PAFAH1B2: variants seen among roughly 807,000 people sequenced by gnomAD.
PAFAH1B2 encodes the protein platelet-activating factor acetylhydrolase IB subunit alpha2.
Under a neutral mutation model 28.0 loss-of-function variants are expected in PAFAH1B2, and 8 were observed. The observed-to-expected ratio is 0.29, with a 90% CI of 0.17 to 0.52. The LOEUF is 0.52. Ranked by LOEUF, PAFAH1B2 falls within the 20% of genes least tolerant of loss-of-function variation. The pLI is 0.97. For missense variants in PAFAH1B2, 190 were observed against 282.6 expected, an observed-to-expected ratio of 0.67 and a Z score of 2.35; for synonymous variants, 104 against 103.2, an observed-to-expected ratio of 1.01 and a Z score of -0.05.
At chr11:117,155,436 T>C (rs1228157017) in intron 2 of PAFAH1B2, among the ~76,000 whole-genome samples, 1 of 152,184 alleles carries the variant, frequency 6.6e-6, no homozygotes, top group Non-Finnish European at 1.5e-5. Flanking sequence ...AAGGAACTAA[T>C]ATATAAGTAT....
intron 2 of PAFAH1B2, among the ~76,000 whole-genome samples, chr11:117,156,758 G>C (rs774068085): frequency 2.0e-5 from 3 of 152,130 alleles, no homozygotes; most frequent in Non-Finnish European, 4.4e-5. Context: ...CGGTGGCTCA[G>C]GCCTGTGATC....
chr11:117,144,527 G>C (rs1300129923), intron 1 of PAFAH1B2, 109 bp downstream of exon 1: 2 of 168,376 alleles, frequency 1.2e-5, no homozygotes, highest in Non-Finnish European at 2.6e-5. Context: ...CCACCCTTGC[G>C]GCCCCTCCCC....
At position 117,161,135 on chromosome 11, in the gene PAFAH1B2, C is replaced by CT. The variant is rs760358599; in HGVS notation, c.172-3dup. ...TTTAGGTACACTAAATCAAGTTTTT[C>CT]TTTTTTTAGATATGGCGAGAGCTTT... On this transcript the variant is annotated splice_polypyrimidine_tract_variant and intron_variant, in intron 3 of 5. Coordinates refer to ENST00000527958, the MANE Select transcript of PAFAH1B2 (RefSeq NM_002572.4). The CT allele has an allele frequency of 1.2e-5, 19 of 1,562,328 alleles. No homozygotes were observed. The highest frequency in any genetic ancestry group is 4.1e-5 in the Admixed American group (2 of 48,678).
intron 1 of PAFAH1B2, among the ~76,000 whole-genome samples, chr11:117,144,904 C>T (rs1245201485): frequency 6.6e-6 from 1 of 152,228 alleles, no homozygotes; most frequent in Non-Finnish European, 1.5e-5. Flanking sequence ...CCCCTCGCGT[C>T]TGGTCGGAGG....
chr11:117,175,220 C>T, downstream of PAFAH1B2: 2 of 1,097,152 alleles, frequency 1.8e-6, no homozygotes, highest in East Asian at 4.6e-5. Flanking sequence ...TGGACCTGTG[C>T]ACAAGGCCAG....
At position 117,150,688 on chromosome 11, in the gene PAFAH1B2, ATCT is replaced by A. The variant is rs572392760; in HGVS notation, c.-7-1748_-7-1746del. Among the ~76,000 whole-genome samples the A allele has an allele frequency of 1.8e-4, 27 of 152,274 alleles. 1 individual carries two copies. In the South Asian group the frequency reaches 5.6e-3, roughly 32 times the overall value. Reference sequence around the variant, plus strand: ...ATGTATATTGAATGAATATAACTCGATCTTCTTTCTGAGAAAGCTTAGCTGTAT... The same window carrying A: ...ATGTATATTGAATGAATATAACTCGATCTTTCTGAGAAAGCTTAGCTGTAT... On this transcript the variant is annotated intron_variant, in intron 1 of 5. Coordinates refer to ENST00000527958, the MANE Select transcript of PAFAH1B2 (RefSeq NM_002572.4).
At chr11:117,161,514 T>TG (rs1199545511) in intron 4 of PAFAH1B2, among the ~76,000 whole-genome samples, 3 of 150,164 alleles carry the variant, frequency 2.0e-5, no homozygotes, top group Non-Finnish European at 3.0e-5. Context: ...AAGGAAGAGT[T>TG]TTTTTTTTTT....
chr11:117,170,990 T>C lies in PAFAH1B2; in HGVS notation c.*3291T>C. 1.9e-6 allele frequency: 2 copies of C among 1,047,414 alleles called. No individual in the cohort carries two copies. The highest frequency in any genetic ancestry group is 4.4e-4 in the Middle Eastern group (1 of 2,284). 64.9% of individuals were successfully genotyped at this position (1,047,414 alleles called of 1,614,324 possible). A position where few individuals can be genotyped will look rare whatever the true frequency, so the allele number is the denominator to read the frequency against. On this transcript the variant is annotated 3_prime_UTR_variant, in exon 6 of 6. Coordinates refer to ENST00000527958, the MANE Select transcript of PAFAH1B2 (RefSeq NM_002572.4). ...GCTTTGGCAAAGTTTCATTGACTAG[T>C]AGAACTCATTCTGTTTTAGTGTATA...
intron 1 of PAFAH1B2, among the ~76,000 whole-genome samples, chr11:117,146,531 C>T (rs1276068259): frequency 6.6e-6 from 1 of 152,116 alleles, no homozygotes; most frequent in Non-Finnish European, 1.5e-5. Flanking sequence ...CTCGTCTCTA[C>T]GAAATTTAAA....
At chr11:117,165,854 A>G (rs1436990174) in intron 5 of PAFAH1B2, among the ~76,000 whole-genome samples, 1 of 145,484 alleles carries the variant, frequency 6.9e-6, no homozygotes, top group Non-Finnish European at 1.5e-5. Context: ...TTTTTTTTTA[A>G]TTTGAGATGG....
intron 5 of PAFAH1B2, among the ~76,000 whole-genome samples, chr11:117,166,470 G>A (rs910016271): frequency 1.3e-5 from 2 of 152,186 alleles, no homozygotes; most frequent in Admixed American, 1.3e-4. Flanking sequence ...GTAGTATCAT[G>A]GAAATGATTG....
At chr11:117,153,189 C>G (rs915836768) in intron 2 of PAFAH1B2, among the ~76,000 whole-genome samples, 2 of 152,178 alleles carry the variant, frequency 1.3e-5, no homozygotes, top group Non-Finnish European at 2.9e-5. Flanking sequence ...TACAAATGTC[C>G]TGCCTCTTCA....
At chr11:117,149,773 A>C (rs532987189) in intron 1 of PAFAH1B2, among the ~76,000 whole-genome samples, 1 of 152,030 alleles carries the variant, frequency 6.6e-6, no homozygotes. Flanking sequence ...AGGCTTCACT[A>C]TAATTTAAGA....
At chr11:117,163,725 C>T (rs752592727) in intron 4 of PAFAH1B2, 45 bp from the exon 5 acceptor site, 11 of 1,590,594 alleles carry the variant, frequency 6.9e-6, no homozygotes, top group Middle Eastern at 1.7e-4. Flanking sequence ...TCCTTTGTTC[C>T]TGGGTATTTA....
At position 117,166,696 on chromosome 11, in the gene PAFAH1B2, G is replaced by A. The variant is rs143407060; in HGVS notation, c.412-725G>A. Among the ~76,000 whole-genome samples the A allele has an allele frequency of 5.5e-3, 845 of 152,294 alleles. 8 individuals are homozygous for A. Among genetic ancestry groups the A allele is most frequent in the African/African-American group, 0.019 (792 of 41,572 alleles). ...GGGTTATTCCAGGGTGAATAGCTCT[G>A]ATTCATCAAGACAGCATTCATTCCA... On this transcript the variant is annotated intron_variant, in intron 5 of 5. Coordinates refer to ENST00000527958, the MANE Select transcript of PAFAH1B2 (RefSeq NM_002572.4).
chr11:117,147,227 C>G (rs547657165), intron 1 of PAFAH1B2, among the ~76,000 whole-genome samples: 1 of 152,046 alleles, frequency 6.6e-6, no homozygotes, highest in Non-Finnish European at 1.5e-5. Context: ...AAGGTCGCGC[C>G]GTTGTACTCC....
chr11:117,152,482 C>T lies in PAFAH1B2; in HGVS notation c.35C>T (p.Pro12Leu), dbSNP rs776096099. 3.7e-6 allele frequency: 6 copies of T among 1,613,796 alleles called. No homozygotes were observed. The highest frequency in any genetic ancestry group is 1.3e-5 in the African/African-American group (1 of 75,038). The change falls in exon 2 of 6, where the codon CCG becomes CTG. Residue 12 changes from proline to leucine, a missense_variant. Transcript: ENST00000527958. ...GGAGACTCAAACCCAGCAGCTATTC[C>T]GCATGCAGCAGAAGATATTCAAGGA... ...SQGDSNPAAI[P>L]HAAEDIQGDD...
chr11:117,147,861 C>T (rs1416237389), intron 1 of PAFAH1B2, among the ~76,000 whole-genome samples: 2 of 152,150 alleles, frequency 1.3e-5, no homozygotes, highest in African/African-American at 4.8e-5. Flanking sequence ...TGCCTTGTAG[C>T]TTCAGATAAG....
chr11:117,160,073 T>C, intron 3 of PAFAH1B2, 50 bp downstream of exon 3: 1 of 1,204,814 alleles, frequency 8.3e-7, no homozygotes, highest in East Asian at 2.3e-5. Flanking sequence ...TGTATATCCA[T>C]TCATTACTAA....
Sources: gnomAD v4.1 joint callset for allele counts (sites outside exome capture counted in the v4.1 genomes callset) on GRCh38, gnomAD v4.1.1 for gene constraint, MANE v1.5 for transcripts, NCBI Gene and HGNC (gene_info 2026-07-23, HGNC 2026-07-21) for gene names.